Variants in ADK observed in about 807,000 individuals in gnomAD.
The protein encoded by ADK is N6,N6-dimethyladenosine kinase.
ADK carries 24 observed loss-of-function variants against 44.7 expected under a neutral mutation model. That is an observed-to-expected ratio of 0.54 (90% CI 0.39 to 0.76). The LOEUF (loss-of-function observed/expected upper bound fraction) is 0.76. Ranked by LOEUF, ADK falls within the 30% of genes least tolerant of loss-of-function variation. The pLI is 0.00. For missense variants in ADK, 321 were observed against 425.1 expected, an observed-to-expected ratio of 0.76 and a Z score of 2.15; for synonymous variants, 128 against 142.6, an observed-to-expected ratio of 0.90 and a Z score of 0.73.
At chr10:74,286,240 C>G (rs1268542973) in intron 3 of ADK, among the ~76,000 whole-genome samples, 1 of 152,158 alleles carries the variant, frequency 6.6e-6, no homozygotes, top group Non-Finnish European at 1.5e-5. Flanking sequence ...TTTGCAGAAA[C>G]AGACTCTTGC....
intron 3 of ADK, among the ~76,000 whole-genome samples, chr10:74,231,853 G>C (rs1844777440): frequency 6.6e-6 from 1 of 152,030 alleles, no homozygotes; most frequent in African/African-American, 2.4e-5. Flanking sequence ...TTAAACTAAG[G>C]TTTAAATAGT....
chr10:74,672,031 A>G (rs977797866), intron 10 of ADK, among the ~76,000 whole-genome samples: 3 of 152,198 alleles, frequency 2.0e-5, no homozygotes, highest in African/African-American at 7.2e-5. Context: ...GCTAGCTACC[A>G]TTTGTATTGT....
At chr10:74,308,625 A>G (rs1462025661) in intron 3 of ADK, among the ~76,000 whole-genome samples, 1 of 152,224 alleles carries the variant, frequency 6.6e-6, no homozygotes, top group Non-Finnish European at 1.5e-5. Flanking sequence ...AGTTTAAGGA[A>G]TAACTTCATC....
intron 7 of ADK, among the ~76,000 whole-genome samples, chr10:74,540,164 T>G (rs923703515): frequency 1.3e-5 from 2 of 152,056 alleles, no homozygotes; most frequent in African/African-American, 4.8e-5. Flanking sequence ...TTAAAAAAAA[T>G]TATTAGAAAA....
At chr10:74,220,134 A>G (rs1229132022) in intron 2 of ADK, among the ~76,000 whole-genome samples, 1 of 152,166 alleles carries the variant, frequency 6.6e-6, no homozygotes, top group East Asian at 1.9e-4. Flanking sequence ...AAGACTAATA[A>G]AGAAAAAAAG....
chr10:74,224,487 C>T (rs376900767), intron 2 of ADK, 51 bp from the exon 3 acceptor site: 47 of 1,466,038 alleles, frequency 3.2e-5, no homozygotes, highest in South Asian at 8.0e-5. Context: ...AGCTAACTTA[C>T]GTTGACACTG....
chr10:74,430,062 G>A (rs533333630), intron 6 of ADK, among the ~76,000 whole-genome samples: 7 of 152,250 alleles, frequency 4.6e-5, no homozygotes, highest in African/African-American at 1.2e-4. Flanking sequence ...ACAGAGGCAC[G>A]GAGGTGTTAA....
intron 6 of ADK, among the ~76,000 whole-genome samples, chr10:74,485,887 T>G (rs1187215225): frequency 1.3e-5 from 2 of 152,194 alleles, no homozygotes; most frequent in Non-Finnish European, 2.9e-5. Context: ...CAATTCTGAT[T>G]AAAATCCTAA....
intron 6 of ADK, among the ~76,000 whole-genome samples, chr10:74,472,520 C>A (rs1199483199): frequency 1.3e-5 from 2 of 152,142 alleles, no homozygotes; most frequent in Non-Finnish European, 2.9e-5. Flanking sequence ...CCAGGTCTTA[C>A]ATTTGTCTCA....
chr10:74,186,720 A>C (rs1842780675), intron 1 of ADK, among the ~76,000 whole-genome samples: 1 of 152,190 alleles, frequency 6.6e-6, no homozygotes, highest in Non-Finnish European at 1.5e-5. Context: ...GGAATCATAC[A>C]GCAAGGAGTA....
At chr10:74,324,064 C>T (rs1244194057) in intron 4 of ADK, among the ~76,000 whole-genome samples, 3 of 152,048 alleles carry the variant, frequency 2.0e-5, no homozygotes, top group East Asian at 1.9e-4. Flanking sequence ...GCTCTGTCTT[C>T]GAGGCTGGAG....
chr10:74,626,888 G>A (rs1853225421), intron 9 of ADK, among the ~76,000 whole-genome samples: 1 of 152,154 alleles, frequency 6.6e-6, no homozygotes, highest in South Asian at 2.1e-4. Flanking sequence ...TCATATTTCT[G>A]TCTATACTGC....
intron 3 of ADK, among the ~76,000 whole-genome samples, chr10:74,305,906 G>A (rs1193067616): frequency 1.3e-5 from 2 of 151,798 alleles, no homozygotes; most frequent in Non-Finnish European, 2.9e-5. Flanking sequence ...TTATTTTTTT[G>A]TAGAAGTAGG....
intron 7 of ADK, among the ~76,000 whole-genome samples, chr10:74,588,592 G>A (rs1018444233): frequency 6.6e-6 from 1 of 152,068 alleles, no homozygotes; most frequent in Admixed American, 6.5e-5. Context: ...ATACTTTATA[G>A]GTGATGGTGT....
intron 10 of ADK, among the ~76,000 whole-genome samples, chr10:74,699,320 G>A (rs747570683): frequency 1.3e-5 from 2 of 151,350 alleles, no homozygotes; most frequent in East Asian, 3.9e-4. Flanking sequence ...TATTGTTATT[G>A]TTGGTTTTTT....
intron 6 of ADK, among the ~76,000 whole-genome samples, chr10:74,424,893 A>G (rs1592193706): frequency 6.6e-6 from 1 of 152,114 alleles, no homozygotes; most frequent in African/African-American, 2.4e-5. Flanking sequence ...TGATAAACTC[A>G]TTTCATTCTC....
chr10:74,232,547 C>A (rs1844807607), intron 3 of ADK, among the ~76,000 whole-genome samples: 1 of 52,672 alleles, frequency 1.9e-5, no homozygotes, highest in Non-Finnish European at 3.3e-5. Flanking sequence ...AACCCCCCCG[C>A]ACCCCCCCCC....
chr10:74,695,160 A>G (rs1292065457), intron 10 of ADK, among the ~76,000 whole-genome samples: 3 of 152,174 alleles, frequency 2.0e-5, no homozygotes, highest in Non-Finnish European at 4.4e-5. Context: ...GAAGTATTTA[A>G]TCTGGTAAGA....
chr10:74,219,782 C>T (rs559241856), intron 2 of ADK, among the ~76,000 whole-genome samples: 120 of 150,684 alleles, frequency 8.0e-4, no homozygotes, highest in Middle Eastern at 3.4e-3. Context: ...GGGTACATAA[C>T]GAAATGAAGG....
Sources: gnomAD v4.1 joint callset for allele counts (sites outside exome capture counted in the v4.1 genomes callset) on GRCh38, gnomAD v4.1.1 for gene constraint, MANE v1.5 for transcripts, NCBI Gene and HGNC (gene_info 2026-07-23, HGNC 2026-07-21) for gene names.